Variants in CDH18 observed in about 807,000 individuals in gnomAD.
The protein encoded by CDH18 is cadherin 18, also known as cadherin-18.
CDH18 carries 31 observed loss-of-function variants against 67.9 expected under a neutral mutation model. That is an observed-to-expected ratio of 0.46 (90% CI 0.34 to 0.62). The LOEUF is 0.62. Ranked by LOEUF, CDH18 falls within the 20% of genes least tolerant of loss-of-function variation. CDH18 has a pLI of 0.01. For missense variants in CDH18, 890 were observed against 975.5 expected (o/e 0.91, Z 1.17); for synonymous variants, 362 against 347.2 (o/e 1.04, Z -0.48).
intron 4 of CDH18, among the ~76,000 whole-genome samples, chr5:19,745,666 G>T (rs79187495): frequency 6.6e-6 from 1 of 152,098 alleles, no homozygotes; most frequent in Admixed American, 6.5e-5. Flanking sequence ...CAATAAGCCC[G>T]ACAGTATTCT....
chr5:20,383,154 T>C (rs1352935808), intron 1 of CDH18, among the ~76,000 whole-genome samples: 1 of 152,208 alleles, frequency 6.6e-6, no homozygotes, highest in Non-Finnish European at 1.5e-5. Context: ...CCATAGAATA[T>C]AGCTAATATA....
chr5:20,453,493 GAAGA>G (rs764484429), intron 1 of CDH18, among the ~76,000 whole-genome samples: 21 of 152,012 alleles, frequency 1.4e-4, no homozygotes, highest in South Asian at 1.2e-3. Flanking sequence ...GTTTAGTGCA[GAAGA>G]AAGAAATAAT....
chr5:20,268,345 C>T (rs1040522576), intron 1 of CDH18, among the ~76,000 whole-genome samples: 1 of 152,086 alleles, frequency 6.6e-6, no homozygotes, highest in African/African-American at 2.4e-5. Flanking sequence ...CCTCAGCAAA[C>T]AGGGATAATT....
intron 3 of CDH18, among the ~76,000 whole-genome samples, chr5:19,831,767 C>T (rs1781058611): frequency 6.6e-6 from 1 of 151,884 alleles, no homozygotes; most frequent in Non-Finnish European, 1.5e-5. Flanking sequence ...CCCCCTCCCC[C>T]AAAATAAATT....
chr5:20,538,346 A>G (rs978038180), intron 1 of CDH18, among the ~76,000 whole-genome samples: 4 of 152,216 alleles, frequency 2.6e-5, no homozygotes, highest in African/African-American at 7.2e-5. Context: ...GGATGCTTCA[A>G]AAATAAATGG....
intron 1 of CDH18, among the ~76,000 whole-genome samples, chr5:19,986,447 T>C (rs1229993936): frequency 6.6e-6 from 1 of 152,236 alleles, no homozygotes; most frequent in South Asian, 2.1e-4. Flanking sequence ...CCTCCCATTG[T>C]TTTCAGAGAG....
chr5:19,754,510 T>A (rs1361581816), intron 3 of CDH18, among the ~76,000 whole-genome samples: 1 of 152,112 alleles, frequency 6.6e-6, no homozygotes, highest in Non-Finnish European at 1.5e-5. Context: ...CCCAAATTTA[T>A]GAAACAATTA....
chr5:19,615,121 C>T (rs2631618), intron 5 of CDH18, among the ~76,000 whole-genome samples: 113,708 of 150,856 alleles, frequency 0.75, 42,939 homozygotes, highest in South Asian at 0.8. Context: ...CACTCCAGCC[C>T]GGTGACAGAG....
At chr5:19,490,906 T>A (rs1579768885) in intron 11 of CDH18, among the ~76,000 whole-genome samples, 1 of 152,078 alleles carries the variant, frequency 6.6e-6, no homozygotes, top group Non-Finnish European at 1.5e-5. Flanking sequence ...CATATATATA[T>A]AAAACAACAA....
chr5:19,487,954 A>G (rs1740672779), intron 11 of CDH18, among the ~76,000 whole-genome samples: 1 of 152,158 alleles, frequency 6.6e-6, no homozygotes, highest in Admixed American at 6.5e-5. Context: ...TCACAAAAAT[A>G]TTTGTCATAA....
At chr5:19,640,045 A>C (rs533087844) in intron 5 of CDH18, among the ~76,000 whole-genome samples, 1 of 152,318 alleles carries the variant, frequency 6.6e-6, no homozygotes, top group East Asian at 1.9e-4. Flanking sequence ...GGAGAGAAAT[A>C]AAGACTCTTT....
At chr5:19,826,015 G>C (rs1230538154) in intron 3 of CDH18, among the ~76,000 whole-genome samples, 1 of 152,086 alleles carries the variant, frequency 6.6e-6, no homozygotes, top group Admixed American at 6.6e-5. Flanking sequence ...GATAAAAGAT[G>C]AAATGGCCAT....
intron 3 of CDH18, among the ~76,000 whole-genome samples, chr5:19,752,576 A>G (rs755927094): frequency 7.9e-5 from 12 of 152,092 alleles, no homozygotes; most frequent in East Asian, 3.9e-4. Flanking sequence ...CCCCCACCCA[A>G]TGGTACTTCC....
intron 1 of CDH18, among the ~76,000 whole-genome samples, chr5:20,561,678 G>A (rs1193559584): frequency 6.6e-6 from 1 of 151,906 alleles, no homozygotes; most frequent in Non-Finnish European, 1.5e-5. Flanking sequence ...GTGAATACAT[G>A]TCATTATATA....
At chr5:20,315,985 G>A (rs1484521873) in intron 1 of CDH18, among the ~76,000 whole-genome samples, 1 of 152,004 alleles carries the variant, frequency 6.6e-6, no homozygotes, top group Non-Finnish European at 1.5e-5. Flanking sequence ...ATGAATACTT[G>A]CCTAATGACT....
At chr5:19,512,283 T>C (rs1745247608) in intron 10 of CDH18, among the ~76,000 whole-genome samples, 1 of 152,210 alleles carries the variant, frequency 6.6e-6, no homozygotes, top group African/African-American at 2.4e-5. Flanking sequence ...TATGCTTATT[T>C]AAATGAATTT....
intron 5 of CDH18, among the ~76,000 whole-genome samples, chr5:19,637,109 T>G (rs1488078880): frequency 1.3e-5 from 2 of 152,044 alleles, no homozygotes; most frequent in African/African-American, 4.8e-5. Flanking sequence ...TAGATTTCTG[T>G]TTTTTTGTTT....
At chr5:19,733,371 A>G (rs1413353946) in intron 4 of CDH18, among the ~76,000 whole-genome samples, 1 of 152,198 alleles carries the variant, frequency 6.6e-6, no homozygotes, top group Non-Finnish European at 1.5e-5. Flanking sequence ...TGAATGGATC[A>G]GTACATACTT....
intron 2 of CDH18, among the ~76,000 whole-genome samples, chr5:20,196,932 C>A (rs1271431196): frequency 6.6e-6 from 1 of 152,122 alleles, no homozygotes; most frequent in Admixed American, 6.6e-5. Flanking sequence ...AAGTGAATGC[C>A]ATTGGCCTGG....
Sources: allele counts gnomAD v4.1 joint callset (sites outside exome capture counted in the v4.1 genomes callset), GRCh38; gene constraint gnomAD v4.1.1; transcripts MANE v1.5; gene names NCBI Gene and HGNC (gene_info 2026-07-23, HGNC 2026-07-21).